ZPBP: variants seen among roughly 807,000 people sequenced by gnomAD.
ZPBP encodes the protein zona pellucida-binding protein 1.
In ZPBP, 26 loss-of-function variants were observed where a neutral mutation model predicts 44.8. The observed-to-expected ratio is 0.58, with a 90% CI of 0.43 to 0.81. The LOEUF (loss-of-function observed/expected upper bound fraction) is 0.81. Among genes scored for constraint, ZPBP ranks in the 30% least tolerant of loss-of-function variants. The pLI, the probability that ZPBP is intolerant of heterozygous loss-of-function variation, is 0.00. For synonymous variants in ZPBP, 174 were observed against 153.2 expected, an observed-to-expected ratio of 1.14 and a Z score of -1.00; for missense variants, 409 against 434.0, an observed-to-expected ratio of 0.94 and a Z score of 0.51.
intron 2 of ZPBP, among the ~76,000 whole-genome samples, chr7:49,867,877 A>C (rs549443277): frequency 5.3e-4 from 80 of 150,904 alleles, no homozygotes; most frequent in African/African-American, 1.9e-3. Context: ...CCTGTTGCCC[A>C]TGCTGGAGTG....
intron 7 of ZPBP, among the ~76,000 whole-genome samples, chr7:49,958,712 T>G (rs368603497): frequency 6.6e-6 from 1 of 152,204 alleles, no homozygotes; most frequent in South Asian, 2.1e-4. Context: ...CAAAACAGAC[T>G]AAGACAGTGC....
At chr7:49,883,385 TA>T (rs1275789268) in intron 2 of ZPBP, among the ~76,000 whole-genome samples, 1 of 151,836 alleles carries the variant, frequency 6.6e-6, no homozygotes, top group East Asian at 1.9e-4. Context: ...ATAAATGTAC[TA>T]AAAAAATAGG....
chr7:50,083,217 T>A (rs1275800131), intron 2 of ZPBP, among the ~76,000 whole-genome samples: 2 of 151,776 alleles, frequency 1.3e-5, no homozygotes, highest in Non-Finnish European at 2.9e-5. Context: ...AAGATCAACA[T>A]ACAAAAACAA....
chr7:50,023,154 A>G (rs1799169058), intron 5 of ZPBP, among the ~76,000 whole-genome samples: 1 of 152,052 alleles, frequency 6.6e-6, no homozygotes, highest in East Asian at 1.9e-4. Context: ...CAGAGTCTCA[A>G]TGACCTGGCG....
chr7:50,050,200 T>C (rs939054639), intron 4 of ZPBP, among the ~76,000 whole-genome samples: 3 of 152,056 alleles, frequency 2.0e-5, no homozygotes. Context: ...AAATTGAATG[T>C]AATTCCCATC....
chr7:49,848,296 C>G (rs895060067), downstream of ZPBP, among the ~76,000 whole-genome samples: 3 of 152,204 alleles, frequency 2.0e-5, no homozygotes, highest in Middle Eastern at 3.2e-3. Flanking sequence ...TCAGAGCCTC[C>G]CACGGCAGGG....
intron 6 of ZPBP, among the ~76,000 whole-genome samples, chr7:49,992,294 C>A (rs1379997740): frequency 2.6e-5 from 4 of 152,008 alleles, no homozygotes; most frequent in Admixed American, 2.0e-4. Flanking sequence ...ATTCAGATAA[C>A]TGAATATCAG....
chr7:50,064,672 G>A (rs574492090), intron 3 of ZPBP, among the ~76,000 whole-genome samples: 147 of 152,282 alleles, frequency 9.7e-4, no homozygotes, highest in Middle Eastern at 3.4e-3. Flanking sequence ...GCTCTGTTCC[G>A]CCCAGCTCGC....
chr7:49,901,021 T>A (rs1792695502), intron 2 of ZPBP: 1 of 151,636 alleles, frequency 6.6e-6, no homozygotes, highest in South Asian at 2.1e-4. Context: ...CCTGACAAAA[T>A]CTAACACCCT....
chr7:49,893,406 T>C (rs1210750276), intron 2 of ZPBP, among the ~76,000 whole-genome samples: 1 of 152,230 alleles, frequency 6.6e-6, no homozygotes, highest in Non-Finnish European at 1.5e-5. Flanking sequence ...AGGCGTTTTC[T>C]TTTGATGAAG....
intron 7 of ZPBP, among the ~76,000 whole-genome samples, chr7:49,956,006 T>C (rs2128761384): frequency 6.6e-6 from 1 of 152,312 alleles, no homozygotes; most frequent in South Asian, 2.1e-4. Flanking sequence ...TTTGTTGTTA[T>C]GGTCTAAGCC....
At chr7:49,920,419 T>G (rs1292339885) in intron 1 of ZPBP, 1 of 152,152 alleles carries the variant, frequency 6.6e-6, no homozygotes, top group Non-Finnish European at 1.5e-5. Context: ...TTTGCTGTGA[T>G]AGGAAAGGTG....
chr7:50,024,012 A>G (rs1478496411), intron 5 of ZPBP, among the ~76,000 whole-genome samples: 1 of 152,080 alleles, frequency 6.6e-6, no homozygotes, highest in Non-Finnish European at 1.5e-5. Flanking sequence ...TAAGTTGTAT[A>G]ATATACAAAA....
At chr7:50,076,497 T>C (rs917848958) in intron 3 of ZPBP, among the ~76,000 whole-genome samples, 32 of 151,956 alleles carry the variant, frequency 2.1e-4, no homozygotes, top group Non-Finnish European at 1.5e-4. Flanking sequence ...GGTGATATGA[T>C]CTTATATTTG....
chr7:49,944,645 A>G (rs1242482772), intron 7 of ZPBP, among the ~76,000 whole-genome samples: 4 of 152,230 alleles, frequency 2.6e-5, no homozygotes, highest in East Asian at 3.9e-4. Flanking sequence ...AGGTTTTCCA[A>G]TTTATTGGCA....
chr7:49,848,039 C>T (rs1790022135), downstream of ZPBP, among the ~76,000 whole-genome samples: 1 of 152,168 alleles, frequency 6.6e-6, no homozygotes, highest in Non-Finnish European at 1.5e-5. Context: ...TCCACAGCAA[C>T]ATGGGTGGGA....
intron 6 of ZPBP, among the ~76,000 whole-genome samples, chr7:50,013,416 A>G (rs528760379): frequency 6.6e-6 from 1 of 152,130 alleles, no homozygotes; most frequent in Admixed American, 6.5e-5. Context: ...GAAGTTCAAC[A>G]TTACACAAAT....
chr7:49,981,384 AATTATATAT>A (rs1191595205), intron 7 of ZPBP, among the ~76,000 whole-genome samples: 5,989 of 18,120 alleles, frequency 0.33, 1,258 homozygotes, highest in East Asian at 0.55. Context: ...TATTATATAT[AATTATATAT>A]ATTATATATA....
intron 7 of ZPBP, among the ~76,000 whole-genome samples, chr7:49,945,542 T>C (rs1288208828): frequency 1.3e-5 from 2 of 152,188 alleles, no homozygotes; most frequent in African/African-American, 2.4e-5. Flanking sequence ...GTTAGATTCA[T>C]ATATATTAAG....
Sources: allele counts gnomAD v4.1 joint callset (sites outside exome capture counted in the v4.1 genomes callset), GRCh38; gene constraint gnomAD v4.1.1; transcripts MANE v1.5; gene names NCBI Gene and HGNC (gene_info 2026-07-23, HGNC 2026-07-21).